Variants in NEK11 observed in about 807,000 individuals in gnomAD.
The protein encoded by NEK11 is NIMA related kinase 11.
A neutral mutation model predicts 80.7 loss-of-function variants in NEK11; 72 were observed. The ratio of observed to expected loss-of-function variants is 0.89; its 90% CI spans 0.74 to 1.08. The LOEUF (loss-of-function observed/expected upper bound fraction) is 1.08, where lower values mean the gene tolerates loss of function less well. Ranked by LOEUF, NEK11 falls within the 50% of genes least tolerant of loss-of-function variation. NEK11 has a pLI of 0.00. For missense variants in NEK11, 764 were observed against 763.6 expected, an observed-to-expected ratio of 1.00 and a Z score of -0.01; for synonymous variants, 251 against 260.7, an observed-to-expected ratio of 0.96 and a Z score of 0.36.
chr3:131,221,379 C>T (rs2095019928), intron 14 of NEK11, among the ~76,000 whole-genome samples: 1 of 152,128 alleles, frequency 6.6e-6, no homozygotes, highest in Non-Finnish European at 1.5e-5. Flanking sequence ...GACCTTCATC[C>T]CAGTTTCTGA....
chr3:131,086,115 C>G (rs1343227273), intron 4 of NEK11, among the ~76,000 whole-genome samples: 1 of 152,182 alleles, frequency 6.6e-6, no homozygotes, highest in Non-Finnish European at 1.5e-5. Flanking sequence ...TATCTTATTA[C>G]TGATGATGTT....
At chr3:131,060,285 C>T (rs2070601039) in intron 3 of NEK11, among the ~76,000 whole-genome samples, 1 of 152,176 alleles carries the variant, frequency 6.6e-6, no homozygotes, top group African/African-American at 2.4e-5. Flanking sequence ...TATAACCTCA[C>T]ATGGAGTTTT....
chr3:131,236,367 C>T (rs1050487181), intron 15 of NEK11, among the ~76,000 whole-genome samples: 3 of 150,908 alleles, frequency 2.0e-5, no homozygotes, highest in African/African-American at 7.3e-5. Flanking sequence ...TCTATCAGCC[C>T]TGCTTTTTTT....
chr3:131,192,428 C>A (rs544178261), intron 14 of NEK11, among the ~76,000 whole-genome samples: 2 of 152,126 alleles, frequency 1.3e-5, no homozygotes, highest in Non-Finnish European at 2.9e-5. Flanking sequence ...AGCAGTTCCA[C>A]ATGTGATTAT....
At chr3:131,057,951 G>A (rs2069934853) in intron 3 of NEK11, among the ~76,000 whole-genome samples, 1 of 152,194 alleles carries the variant, frequency 6.6e-6, no homozygotes, top group Admixed American at 6.5e-5. Context: ...TTTTAGACAT[G>A]AAGTCCTTGC....
rs1381388672 is a variant in NEK11 at position 131,155,078 on chromosome 3, A to T, written c.919A>T (p.Asn307Tyr). ...RYSEMTLEDK[N>Y]LDCQKEAAHI... ...TTCAGAAATGACTCTGGAAGACAAA[A>T]ATTTGGATTGTCAGAAGGAGGCTGC... The change falls in exon 10 of 18, where the codon AAT (asparagine) becomes TAT (tyrosine). Residue 307 changes from asparagine to tyrosine, a missense_variant. Asn to Tyr is a moderately radical substitution (Grantham distance 143, BLOSUM62 -2). Coordinates refer to ENST00000383366, the MANE Select transcript of NEK11 (RefSeq NM_024800.5). 6.2e-7 allele frequency: 1 copy of T among 1,613,042 alleles called. No individual in the cohort carries two copies. Among genetic ancestry groups the T allele is most frequent in the East Asian group, 2.2e-5 (1 of 44,864 alleles).
intron 5 of NEK11, among the ~76,000 whole-genome samples, chr3:131,113,557 C>G (rs1227457568): frequency 6.6e-6 from 1 of 152,022 alleles, no homozygotes; most frequent in Non-Finnish European, 1.5e-5. Flanking sequence ...CAGGACTCTT[C>G]TAATAGTGTT....
chr3:131,349,256 CACATCTGTGTGT>C (rs1252939647), intron 17 of NEK11, among the ~76,000 whole-genome samples: 3 of 152,010 alleles, frequency 2.0e-5, no homozygotes, highest in Non-Finnish European at 2.9e-5. Context: ...TTTATATAAA[CACATCTGTGTGT>C]ATATCTGTGT....
In NEK11 at chr3:131,133,941, C is replaced by T. The variant is rs189216038; in HGVS notation, c.632C>T (p.Thr211Ile). 5 of 1,609,530 alleles carry T rather than the reference C, an allele frequency of 3.1e-6. No individual in the cohort carries two copies. The East Asian group carries it at 1.1e-4, about 36-fold the overall frequency. Residue 211 changes from threonine to isoleucine, a missense_variant, in exon 7 of 18, where the codon ACA becomes ATA. Thr to Ile is a moderately conservative substitution (Grantham distance 89). Coordinates refer to ENST00000383366, the MANE Select transcript of NEK11 (RefSeq NM_024800.5). ...PEALKHQGYDTKSDIWSLACI... is the reference protein window; with the variant it reads ...PEALKHQGYDIKSDIWSLACI... ...GCTCTGAAACACCAAGGCTATGACA[C>T]AAAGTCGGACATCTGGTGAGTGGGC... is the stretch of plus-strand genomic sequence containing the variant.
At chr3:131,218,376 G>A (rs916715696) in intron 14 of NEK11, among the ~76,000 whole-genome samples, 3 of 152,158 alleles carry the variant, frequency 2.0e-5, no homozygotes, top group African/African-American at 4.8e-5. Flanking sequence ...CACACAGGGA[G>A]CTCTGGGGCA....
chr3:131,133,116 TA>T (rs1244731953), intron 6 of NEK11: 2 of 364,528 alleles, frequency 5.5e-6, no homozygotes, highest in African/African-American at 4.4e-5. Flanking sequence ...CCAGGCACTT[TA>T]CAAGTTATTA....
intron 14 of NEK11, among the ~76,000 whole-genome samples, chr3:131,226,080 G>A (rs974179351): frequency 6.6e-6 from 1 of 152,256 alleles, no homozygotes; most frequent in Middle Eastern, 3.4e-3. Flanking sequence ...ACTCGAGAGG[G>A]AGAGGAAGTA....
intron 3 of NEK11, among the ~76,000 whole-genome samples, chr3:131,044,446 TGGG>T (rs59841218): frequency 1.2e-5 from 1 of 86,836 alleles, no homozygotes; most frequent in African/African-American, 4.5e-5. Flanking sequence ...AAAAAAAAGG[TGGG>T]GGGGGGGGTT....
chr3:131,214,398 A>T, intron 14 of NEK11, among the ~76,000 whole-genome samples: 1 of 152,006 alleles, frequency 6.6e-6, no homozygotes, highest in East Asian at 1.9e-4. Context: ...AGCACATCCC[A>T]CTATGTACCA....
At position 131,069,126 on chromosome 3, in the gene NEK11, C is replaced by T. The variant is rs566432760; in HGVS notation, c.171-11297C>T. Among the ~76,000 whole-genome samples, 16 of 152,080 alleles carry T rather than the reference C, an allele frequency of 1.1e-4. No homozygotes were observed. In the South Asian group the frequency reaches 3.1e-3, roughly 30 times the overall value. On this transcript the variant is annotated intron_variant, in intron 3 of 17. Coordinates refer to ENST00000383366, the MANE Select transcript of NEK11 (RefSeq NM_024800.5). ...TTAAAGAACTTTATTTCATTAAAACCCTAGATTTTTTTATTTTTTATTTTT... is the reference window on the plus strand; with the variant it reads ...TTAAAGAACTTTATTTCATTAAAACTCTAGATTTTTTTATTTTTTATTTTT...
At position 131,163,518 on chromosome 3, in the gene NEK11, T is replaced by A. The variant is rs546654847; in HGVS notation, c.1082+991T>A. ...AAAGACAAATACTGCATGATATCAC[T>A]TATATATGGAATCTTAAAAAGTTAA... On this transcript the variant is annotated intron_variant, in intron 11 of 17. Coordinates refer to ENST00000383366, the MANE Select transcript of NEK11 (RefSeq NM_024800.5). Among the ~76,000 whole-genome samples the A allele has an allele frequency of 4.9e-3, 748 of 152,188 alleles. 11 individuals carry two copies. The highest frequency in any genetic ancestry group is 0.017 in the African/African-American group (712 of 41,526).
intron 17 of NEK11, among the ~76,000 whole-genome samples, chr3:131,301,998 G>A (rs1157725543): frequency 6.6e-6 from 1 of 152,012 alleles, no homozygotes; most frequent in Non-Finnish European, 1.5e-5. Flanking sequence ...ACTTTTTCTT[G>A]TTGGTAGGCT....
At chr3:131,324,666 T>C (rs975780197) in intron 17 of NEK11, among the ~76,000 whole-genome samples, 1 of 152,164 alleles carries the variant, frequency 6.6e-6, no homozygotes, top group Non-Finnish European at 1.5e-5. Flanking sequence ...TCATGGCACA[T>C]TGTTTAGTGA....
At chr3:131,255,462 C>T (rs2095799655) in intron 16 of NEK11, among the ~76,000 whole-genome samples, 2 of 152,158 alleles carry the variant, frequency 1.3e-5, no homozygotes, top group Admixed American at 1.3e-4. Flanking sequence ...TCCTAACCCA[C>T]AGGATGAGAT....
Sources: gnomAD v4.1 joint callset for allele counts (sites outside exome capture counted in the v4.1 genomes callset) on GRCh38, gnomAD v4.1.1 for gene constraint, MANE v1.5 for transcripts, NCBI Gene and HGNC (gene_info 2026-07-23, HGNC 2026-07-21) for gene names.